Variants in PES1 observed in about 807,000 individuals in gnomAD.
The protein encoded by PES1 is pescadillo homolog.
A neutral mutation model predicts 77.1 loss-of-function variants in PES1; 31 were observed. The ratio of observed to expected loss-of-function variants is 0.40; its 90% confidence interval spans 0.30 to 0.54. PES1 has a LOEUF of 0.54. PES1 is among the 20% of genes least tolerant of loss of function. The pLI is 0.45. For synonymous variants in PES1, 282 were observed against 303.0 expected (o/e 0.93, Z 0.72); for missense variants, 658 against 771.7 (o/e 0.85, Z 1.75).
chr22:30,580,585 C>A lies in PES1; in HGVS notation c.1029G>T (p.Leu343=), dbSNP rs146114623. 3.2e-5 allele frequency: 52 copies of A among 1,613,814 alleles called. No individual in the cohort carries two copies. The East Asian group carries it at 6.7e-4, about 21-fold the overall frequency. ...AGCCTCCCTACCTGATGATGAAGGC[C>A]AGGGCCTCACGGGGCACCTCTCGGT... The part of the protein sequence containing the change: ...FLNREVPREA[L]AFIIRSFGGE... The change falls in exon 10 of 15, where the codon CTG becomes CTT. Residue 343 remains leucine (L), a synonymous_variant. Coordinates refer to ENST00000354694, the MANE Select transcript of PES1 (RefSeq NM_014303.4).
chr22:30,577,456 G>C (rs1205642126), intron 14 of PES1, among the ~76,000 whole-genome samples: 1 of 152,154 alleles, frequency 6.6e-6, no homozygotes, highest in Non-Finnish European at 1.5e-5. Context: ...TGGTGGAAAG[G>C]GGTACAACAG....
intron 2 of PES1, chr22:30,605,320 T>G: frequency 4.1e-6 from 1 of 243,960 alleles, no homozygotes; most frequent in Non-Finnish European, 6.6e-6. Flanking sequence ...GGAAATATGC[T>G]GTCTTCCTAT....
intron 4 of PES1, 154 bp downstream of exon 4, chr22:30,587,132 A>C (rs2146473625): frequency 1.6e-6 from 1 of 626,904 alleles, no homozygotes; most frequent in East Asian, 2.7e-5. Flanking sequence ...TCATTATAGT[A>C]ATTTGCTAGC....
At chr22:30,599,979 A>G (rs969687164) in intron 2 of PES1, among the ~76,000 whole-genome samples, 1 of 152,216 alleles carries the variant, frequency 6.6e-6, no homozygotes, top group Non-Finnish European at 1.5e-5. Flanking sequence ...GTAATTTAAA[A>G]TATTTATGTT....
In PES1 at chr22:30,599,616, T is replaced by C. The variant is rs918164700; in HGVS notation, c.-661+5845A>G. Among the ~76,000 whole-genome samples, 10 of 152,246 alleles carry C rather than the reference T, an allele frequency of 6.6e-5. 1 individual carries two copies. The highest frequency in any genetic ancestry group is 6.2e-4 in the South Asian group (3 of 4,822). ...TAGTCTAAGGCAATGGTGAAAAATA[T>C]AGGCTGGGCGCGGTGGCTCACGCCT... On this transcript the variant is annotated intron_variant, in intron 2 of 16. Transcript: ENST00000402281.
At chr22:30,579,558 A>G in intron 12 of PES1, 193 bp downstream of exon 12, 1 of 691,848 alleles carries the variant, frequency 1.4e-6, no homozygotes, top group Non-Finnish European at 2.4e-6. Flanking sequence ...TCTTCTGCTC[A>G]GTCATCCTGA....
chr22:30,603,636 C>T (rs1305428082), intron 2 of PES1: 4 of 152,216 alleles, frequency 2.6e-5, no homozygotes, highest in Admixed American at 6.5e-5. Flanking sequence ...CCCGCCTCGG[C>T]CTCCCAAAGT....
At chr22:30,587,193 T>C (rs1337983618) in intron 4 of PES1, 93 bp downstream of exon 4, 1 of 916,282 alleles carries the variant, frequency 1.1e-6, no homozygotes, top group African/African-American at 1.6e-5. Context: ...TTGAGCAGGG[T>C]CTTGGTCTTA....
upstream of PES1, among the ~76,000 whole-genome samples, chr22:30,594,948 C>T (rs977821296): frequency 6.6e-6 from 1 of 152,122 alleles, no homozygotes; most frequent in African/African-American, 2.4e-5. Context: ...GGTGTGTTCA[C>T]GCCGCTGCAC....
At position 30,580,999 on chromosome 22, in the gene PES1, G is replaced by A; in HGVS notation, c.912+13C>T. ...CTCCCAGCCCTCCTGCCAGAAGGCA[G>A]TGCAGTGCTCACCCCATCGGTGGGA... is the stretch of plus-strand genomic sequence containing the variant. On this transcript the variant is annotated intron_variant, in intron 9 of 14. Coordinates refer to ENST00000354694, the MANE Select transcript of PES1 (RefSeq NM_014303.4). 1 of 1,607,820 alleles carries A rather than the reference G, an allele frequency of 6.2e-7. No individual in the cohort carries two copies. Among genetic ancestry groups the A allele is most frequent in the South Asian group, 1.1e-5 (1 of 90,776 alleles).
At chr22:30,605,119 A>C (rs5753228) in intron 2 of PES1, among the ~76,000 whole-genome samples, 104,924 of 151,454 alleles carry the variant, frequency 0.69, 38,005 homozygotes, top group African/African-American at 0.92. Flanking sequence ...TGTAGCCTCT[A>C]GATTAGCTGA....
chr22:30,584,056 T>G (rs1170480465), intron 6 of PES1, among the ~76,000 whole-genome samples: 4 of 152,236 alleles, frequency 2.6e-5, no homozygotes, highest in Non-Finnish European at 4.4e-5. Flanking sequence ...CTGTTCTCAC[T>G]GTTTATTCGG....
chr22:30,590,849 G>GT (rs1218470649), intron 1 of PES1, among the ~76,000 whole-genome samples: 5 of 152,106 alleles, frequency 3.3e-5, no homozygotes, highest in Non-Finnish European at 4.4e-5. Flanking sequence ...TTTAAAAACT[G>GT]TAACGATTTT....
At chr22:30,595,002 C>T (rs765412873), upstream of PES1, among the ~76,000 whole-genome samples, 78 of 152,008 alleles carry the variant, frequency 5.1e-4, no homozygotes, top group Non-Finnish European at 8.2e-4. Flanking sequence ...CATAAACAAA[C>T]GAACAAACAA....
chr22:30,579,671 G>A, intron 12 of PES1, 80 bp downstream of exon 12: 1 of 1,393,046 alleles, frequency 7.2e-7, no homozygotes, highest in South Asian at 1.3e-5. Flanking sequence ...CTGTTCCCTG[G>A]AGCTTTCCAC....
Position 30,587,271 on chromosome 22 carries a change from G to A in PES1, c.368+15C>T. On this transcript the variant is annotated intron_variant, in intron 4 of 14. Coordinates refer to ENST00000354694, the MANE Select transcript of PES1 (RefSeq NM_014303.4). ...AATGAAGAAACAGCAGTGTCCTGAGGAAAGCCCGGCTCACCGTTCCTTGAT... is the reference window on the plus strand; with the variant it reads ...AATGAAGAAACAGCAGTGTCCTGAGAAAAGCCCGGCTCACCGTTCCTTGAT... The A allele has an allele frequency of 6.4e-7, 1 of 1,567,868 alleles. No individual in the cohort carries two copies. Among genetic ancestry groups the A allele is most frequent in the Non-Finnish European group, 8.8e-7 (1 of 1,138,732 alleles).
Position 30,587,653 on chromosome 22 carries a change from G to A in PES1, c.259-258C>T, listed in dbSNP as rs760902939. Among the ~76,000 whole-genome samples, 5 of 152,298 alleles carry A rather than the reference G, an allele frequency of 3.3e-5. No homozygotes were observed. The East Asian group carries it at 7.7e-4, about 24-fold the overall frequency. ...ATGCACAGATGTCCCAACTCCACACGTTTACATGGGAGGATGGCACAGCAA... is the reference window on the plus strand; with the variant it reads ...ATGCACAGATGTCCCAACTCCACACATTTACATGGGAGGATGGCACAGCAA... On this transcript the variant is annotated intron_variant, in intron 3 of 14. Coordinates refer to ENST00000354694, the MANE Select transcript of PES1 (RefSeq NM_014303.4).
At chr22:30,593,875 A>T (rs2087219753), upstream of PES1, among the ~76,000 whole-genome samples, 1 of 152,244 alleles carries the variant, frequency 6.6e-6, no homozygotes, top group Non-Finnish European at 1.5e-5. Flanking sequence ...GATTCTCACC[A>T]AGCAGTCTGG....
intron 4 of PES1, among the ~76,000 whole-genome samples, chr22:30,585,774 T>C (rs1602014592): frequency 6.7e-6 from 1 of 150,078 alleles, no homozygotes; most frequent in South Asian, 2.1e-4. Flanking sequence ...CAAAAAAGAC[T>C]CCAAAATCCA....
Sources: gnomAD v4.1 joint callset for allele counts (sites outside exome capture counted in the v4.1 genomes callset) on GRCh38, gnomAD v4.1.1 for gene constraint, MANE v1.5 for transcripts, NCBI Gene and HGNC (gene_info 2026-07-23, HGNC 2026-07-21) for gene names.